Variants in DNAL1 observed in about 807,000 individuals in gnomAD.
The protein encoded by DNAL1 is dynein axonemal light chain 1, also known as chromosome 14 open reading frame 168.
Under a neutral mutation model 29.4 loss-of-function variants are expected in DNAL1, and 17 were observed. That is an observed-to-expected ratio of 0.58 (90% CI 0.40 to 0.87). The LOEUF (loss-of-function observed/expected upper bound fraction) is 0.87. Among genes scored for constraint, DNAL1 ranks in the 40% least tolerant of loss-of-function variants. DNAL1 has a pLI of 0.00. For missense variants in DNAL1, 188 were observed against 214.1 expected (o/e 0.88, Z 0.76); for synonymous variants, 78 against 76.3 (o/e 1.02, Z -0.12).
At chr14:73,690,063 A>C (rs1892134220) in intron 7 of DNAL1, among the ~76,000 whole-genome samples, 1 of 151,412 alleles carries the variant, frequency 6.6e-6, no homozygotes, top group Non-Finnish European at 1.5e-5. Flanking sequence ...AAAAGAAAAG[A>C]AAGCTAGGCC....
In DNAL1 at chr14:73,702,473, TTAG is replaced by T. The variant is rs1468251590; in HGVS notation, c.*6535_*6537del. On this transcript the variant is annotated 3_prime_UTR_variant, in exon 8 of 8. Transcript: ENST00000553645. ...ATTTCTTTAGCTAAGTTTTTTTTTC[TTAG>T]TAGGTTTTTTTCTCCCAGGCTTGTA... 1.3e-5 allele frequency: 2 copies of T among 152,010 alleles called. No individual in the cohort carries two copies. 9.4% of individuals were successfully genotyped at this position (152,010 alleles called of 1,614,324 possible).
intron 5 of DNAL1, among the ~76,000 whole-genome samples, chr14:73,679,242 C>A (rs140775057): frequency 3.0e-3 from 458 of 152,264 alleles, no homozygotes; most frequent in African/African-American, 0.011. Context: ...GATCCGCCTG[C>A]CTCACCCTCC....
intron 5 of DNAL1, among the ~76,000 whole-genome samples, chr14:73,677,863 T>TA (rs1266821303): frequency 9.8e-6 from 1 of 102,536 alleles, no homozygotes; most frequent in African/African-American, 4.0e-5. Context: ...GGCCCATATA[T>TA]TTATATATAT....
chr14:73,688,539 C>CTTTA (rs1197916526), intron 6 of DNAL1, among the ~76,000 whole-genome samples: 2 of 152,130 alleles, frequency 1.3e-5, no homozygotes, highest in African/African-American at 4.8e-5. Context: ...ATGAGAGTTG[C>CTTTA]TTTAACCCAG....
At chr14:73,695,676 C>T (rs916908073) in intron 7 of DNAL1, among the ~76,000 whole-genome samples, 2 of 151,878 alleles carry the variant, frequency 1.3e-5, no homozygotes, top group African/African-American at 4.8e-5. Context: ...ATTACAACCG[C>T]CCGCCACCAT....
chr14:73,694,384 A>G (rs1237351857), intron 7 of DNAL1, among the ~76,000 whole-genome samples: 2 of 152,194 alleles, frequency 1.3e-5, no homozygotes, highest in Non-Finnish European at 2.9e-5. Flanking sequence ...TGAGTTTGGG[A>G]GACGATGAAC....
intron 7 of DNAL1, among the ~76,000 whole-genome samples, chr14:73,694,002 T>TA (rs998813698): frequency 1.1e-4 from 16 of 152,188 alleles, no homozygotes; most frequent in African/African-American, 3.9e-4. Context: ...CTCACTGCCG[T>TA]AAAGAACATG....
Position 73,661,973 on chromosome 14 carries a change from T to A in DNAL1, c.153-14T>A. The A allele has an allele frequency of 6.5e-7, 1 of 1,536,172 alleles. No homozygotes were observed. Among genetic ancestry groups the A allele is most frequent in the Non-Finnish European group, 8.8e-7 (1 of 1,140,148 alleles). ...ACATTTTTCACATTAAATTTTTTCTTTGTTCTTTTAAAGGAAGCTTTCACT... is the reference window on the plus strand; with the variant it reads ...ACATTTTTCACATTAAATTTTTTCTATGTTCTTTTAAAGGAAGCTTTCACT... On this transcript the variant is annotated splice_polypyrimidine_tract_variant and intron_variant, in intron 3 of 7. Transcript: ENST00000553645.
Position 73,700,850 on chromosome 14 carries a change from T to G in DNAL1, c.*4908T>G, listed in dbSNP as rs1382343495. The G allele has an allele frequency of 3.3e-5, 5 of 152,238 alleles. No individual in the cohort carries two copies. Among genetic ancestry groups the G allele is most frequent in the African/African-American group, 1.2e-4 (5 of 41,472 alleles). 9.4% of individuals were successfully genotyped at this position (152,238 alleles called of 1,614,324 possible). On this transcript the variant is annotated 3_prime_UTR_variant, in exon 8 of 8. Coordinates refer to ENST00000553645, the MANE Select transcript of DNAL1 (RefSeq NM_031427.4). ...GATTCAGTGTAGCAGAGTTGGTGCT[T>G]CTTCTGACAAGCTAACTTGACCATA...
chr14:73,658,444 A>G (rs1398929510), intron 2 of DNAL1, among the ~76,000 whole-genome samples: 1 of 152,134 alleles, frequency 6.6e-6, no homozygotes, highest in East Asian at 1.9e-4. Context: ...GAAAAATGAC[A>G]TTGGTATTTT....
intron 5 of DNAL1, among the ~76,000 whole-genome samples, chr14:73,678,914 T>C (rs1396340081): frequency 2.0e-5 from 3 of 152,230 alleles, no homozygotes; most frequent in Non-Finnish European, 2.9e-5. Context: ...TGTACATATA[T>C]GCATAGAGTA....
intron 1 of DNAL1, among the ~76,000 whole-genome samples, chr14:73,646,180 C>T (rs747696582): frequency 1.3e-5 from 2 of 152,146 alleles, no homozygotes; most frequent in Non-Finnish European, 2.9e-5. Flanking sequence ...TGAAGAAAGG[C>T]TCAGACCTAA....
intron 7 of DNAL1, among the ~76,000 whole-genome samples, chr14:73,691,539 ACT>A (rs1311953203): frequency 6.6e-6 from 1 of 151,990 alleles, no homozygotes; most frequent in African/African-American, 2.4e-5. Flanking sequence ...ACAGAGTGAG[ACT>A]CTGTCTCAGA....
intron 5 of DNAL1, among the ~76,000 whole-genome samples, chr14:73,682,171 CT>C (rs755777316): frequency 5.2e-3 from 673 of 129,550 alleles, no homozygotes; most frequent in South Asian, 6.9e-3. Context: ...CTTACTGTAA[CT>C]TTTTTTTTTT....
intron 1 of DNAL1, 40 bp from the exon 2 acceptor site, chr14:73,654,807 A>G (rs1370936388): frequency 6.7e-7 from 1 of 1,495,154 alleles, no homozygotes; most frequent in Non-Finnish European, 8.9e-7. Context: ...CATACATACA[A>G]CTTTGTTTTT....
chr14:73,653,145 A>G (rs148193858), intron 1 of DNAL1: 1 of 152,200 alleles, frequency 6.6e-6, no homozygotes, highest in Non-Finnish European at 1.5e-5. Flanking sequence ...ATTCAAACTC[A>G]TTCAGTTCTG....
intron 7 of DNAL1, among the ~76,000 whole-genome samples, chr14:73,694,237 T>A (rs1020116096): frequency 1.6e-5 from 2 of 128,080 alleles, no homozygotes; most frequent in Non-Finnish European, 3.3e-5. Flanking sequence ...AAGCCCTGTC[T>A]ATAAATAAAT....
chr14:73,662,016 A>G lies in DNAL1; in HGVS notation c.182A>G (p.Glu61Gly). 1 of 1,561,278 alleles carries G rather than the reference A, an allele frequency of 6.4e-7. No homozygotes were observed. The highest frequency in any genetic ancestry group is 1.2e-5 in the South Asian group (1 of 84,370). The change falls in exon 4 of 8, where the codon GAA becomes GGA. Residue 61 changes from glutamate to glycine, a missense_variant. Glu to Gly is a moderately conservative substitution (Grantham distance 98). Coordinates refer to ENST00000553645, the MANE Select transcript of DNAL1 (RefSeq NM_031427.4). The part of the protein sequence containing the change: ...EKLSLSTNCI[E>G]KIANLNGLKN... ...CTTTCACTGTCTACAAACTGCATTGAAAAAATTGCCAACCTGAATGGCTTA... is the reference window on the plus strand; with the variant it reads ...CTTTCACTGTCTACAAACTGCATTGGAAAAATTGCCAACCTGAATGGCTTA...
At chr14:73,663,604 C>T (rs1015197272) in intron 4 of DNAL1, among the ~76,000 whole-genome samples, 6 of 152,084 alleles carry the variant, frequency 3.9e-5, no homozygotes, top group Admixed American at 3.3e-4. Flanking sequence ...AGGCTCATGA[C>T]CCATAGTTTG....
Sources: gnomAD v4.1 joint callset for allele counts (sites outside exome capture counted in the v4.1 genomes callset) on GRCh38, gnomAD v4.1.1 for gene constraint, MANE v1.5 for transcripts, NCBI Gene and HGNC (gene_info 2026-07-23, HGNC 2026-07-21) for gene names.